The following CFH variants were observed in gnomAD, a reference collection of about 807,000 sequenced individuals.
CFH encodes complement factor H.
In CFH, 53 loss-of-function variants were observed where a neutral mutation model predicts 147.3. The ratio of observed to expected loss-of-function variants is 0.36; its 90% confidence interval spans 0.29 to 0.45. The LOEUF is 0.45. Ranked by LOEUF, CFH falls within the 20% of genes least tolerant of loss-of-function variation. The pLI is 1.00. For missense variants in CFH, 1,380 were observed against 1,498.0 expected (o/e 0.92, Z 1.30); for synonymous variants, 536 against 489.4 (o/e 1.10, Z -1.26).
intron 11 of CFH, among the ~76,000 whole-genome samples, chr1:196,717,898 T>C (rs1668910292): frequency 6.6e-6 from 1 of 151,874 alleles, no homozygotes; most frequent in South Asian, 2.1e-4. Context: ...TGACAGGAGA[T>C]GGGAAGGAAA....
rs148169568 is a variant in CFH at position 196,746,828 on chromosome 1, AATG to A, written c.3494-280_3494-278del. Among the ~76,000 whole-genome samples the A allele has an allele frequency of 8.2e-3, 1,246 of 152,354 alleles. 28 individuals are homozygous for A. Among genetic ancestry groups the A allele is most frequent in the African/African-American group, 0.029 (1,187 of 41,590 alleles). The stretch of plus-strand genomic sequence containing the variant: ...GACCAATATCTTAATCAAAAGCAGC[AATG>A]ATAAGTTCTAAAACGCAGGGATCCT... On this transcript the variant is annotated intron_variant, in intron 21 of 21. Transcript: ENST00000367429.
Position 196,740,751 on chromosome 1 carries a change from AAT to A in CFH, c.2916_2917del (p.Cys973LeufsTer21). The A allele has an allele frequency of 6.2e-7, 1 of 1,614,042 alleles. No individual in the cohort carries two copies. The highest frequency in any genetic ancestry group is 8.5e-7 in the Non-Finnish European group (1 of 1,179,976). On this transcript the variant is annotated frameshift_variant, in exon 18 of 22. Transcript: ENST00000367429. LOFTEE classifies it high-confidence loss of function. ...GGAATTGATGGGCCTGCAATTGCAA[AAT>A]GCTTAGGAGAAAAATGGTCTCACCC...
chr1:196,658,493 G>A (rs1209746827), intron 1 of CFH, among the ~76,000 whole-genome samples: 2 of 144,396 alleles, frequency 1.4e-5, no homozygotes, highest in Non-Finnish European at 3.0e-5. Flanking sequence ...CTCACTGCAA[G>A]CTCCGCCTCC....
At chr1:196,699,742 G>T (rs142411321) in intron 9 of CFH, among the ~76,000 whole-genome samples, 68 of 152,244 alleles carry the variant, frequency 4.5e-4, no homozygotes, top group African/African-American at 1.6e-3. Flanking sequence ...TTGTTTAAAA[G>T]ACTATGTTTT....
At chr1:196,667,434 T>C (rs901925942) in intron 1 of CFH, among the ~76,000 whole-genome samples, 1 of 152,212 alleles carries the variant, frequency 6.6e-6, no homozygotes, top group Non-Finnish European at 1.5e-5. Context: ...TTTATTAATA[T>C]GAAATGACTC....
Position 196,698,347 on chromosome 1 carries a change from G to A in CFH, c.1336+8108G>A, listed in dbSNP as rs182685237. Among the ~76,000 whole-genome samples the A allele has an allele frequency of 2.9e-3, 439 of 152,076 alleles. 2 individuals carry two copies. Among genetic ancestry groups the A allele is most frequent in the East Asian group, 0.021 (106 of 5,166 alleles). ...CTAGCCATACTAATAAAGAAGAAAG[G>A]ACAGAAGAATCAAATAGACACAATA... On this transcript the variant is annotated intron_variant, in intron 9 of 21. Coordinates refer to ENST00000367429, the MANE Select transcript of CFH (RefSeq NM_000186.4).
Position 196,726,767 on chromosome 1 carries a change from A to C in CFH, c.2063A>C (p.Glu688Ala). ...WTTLPVCIVE[E>A]STCGDIPELE... is the part of the protein sequence containing the mutation. Reference sequence around the variant, plus strand: ...TTTTGTAAAATTTACATAGTGGAGGAGAGTACCTGTGGAGATATACCTGAA... The same window carrying C: ...TTTTGTAAAATTTACATAGTGGAGGCGAGTACCTGTGGAGATATACCTGAA... The change falls in exon 14 of 22, where the codon GAG becomes GCG. Residue 688 changes from glutamate to alanine, a missense_variant. By Grantham distance (107) the Glu-to-Ala change is moderately radical. Around this residue, in one of 4 missense-constraint regions of CFH, gnomAD observed 830 missense variants for 821.4 expected, o/e 1.01. Transcript: ENST00000367429. The C allele has an allele frequency of 6.2e-7, 1 of 1,613,806 alleles. No homozygotes were observed. Among genetic ancestry groups the C allele is most frequent in the Non-Finnish European group, 8.5e-7 (1 of 1,179,802 alleles).
chr1:196,706,667 A>C (rs1254166976), intron 9 of CFH, among the ~76,000 whole-genome samples: 1 of 152,200 alleles, frequency 6.6e-6, no homozygotes, highest in African/African-American at 2.4e-5. Context: ...ACATGATACC[A>C]CACAGTATGG....
At chr1:196,696,661 G>A (rs1193959487) in intron 9 of CFH, among the ~76,000 whole-genome samples, 1 of 152,108 alleles carries the variant, frequency 6.6e-6, no homozygotes, top group Non-Finnish European at 1.5e-5. Context: ...CTACTTTAAA[G>A]TTTATATGGA....
At chr1:196,706,772 G>T (rs541466959) in intron 9 of CFH, among the ~76,000 whole-genome samples, 1 of 152,226 alleles carries the variant, frequency 6.6e-6, no homozygotes, top group African/African-American at 2.4e-5. Context: ...CCTACTTGGT[G>T]CCCAGAACAA....
chr1:196,704,536 C>A (rs1399892129), intron 9 of CFH, among the ~76,000 whole-genome samples: 1 of 152,192 alleles, frequency 6.6e-6, no homozygotes, highest in Non-Finnish European at 1.5e-5. Flanking sequence ...CTTGAAAGTG[C>A]CTGCACCCCT....
At chr1:196,673,369 C>T in intron 2 of CFH, 1 of 560,922 alleles carries the variant, frequency 1.8e-6, no homozygotes, top group Non-Finnish European at 3.1e-6. Context: ...ATGGAGTCTC[C>T]CTCTATCGCC....
chr1:196,672,256 C>A (rs1278002756), intron 1 of CFH, among the ~76,000 whole-genome samples: 3 of 152,138 alleles, frequency 2.0e-5, no homozygotes, highest in African/African-American at 7.2e-5. Context: ...ACAAACATAA[C>A]CAGGTAAAAA....
At chr1:196,746,883 T>C (rs1653027245) in intron 21 of CFH, among the ~76,000 whole-genome samples, 1 of 152,230 alleles carries the variant, frequency 6.6e-6, no homozygotes, top group Admixed American at 6.5e-5. Flanking sequence ...TAATGAATCA[T>C]TGATAATACA....
chr1:196,722,674 G>C (rs1026056104), intron 11 of CFH, among the ~76,000 whole-genome samples: 2 of 152,000 alleles, frequency 1.3e-5, no homozygotes, highest in Non-Finnish European at 1.5e-5. Context: ...CCTCAAAAAG[G>C]TTTTTTTAGC....
chr1:196,708,453 T>A (rs1668646991), intron 9 of CFH, among the ~76,000 whole-genome samples: 1 of 152,270 alleles, frequency 6.6e-6, no homozygotes. Context: ...CCATGGCCCA[T>A]GGCATACTGG....
At chr1:196,707,225 C>T (rs1668610886) in intron 9 of CFH, among the ~76,000 whole-genome samples, 1 of 152,096 alleles carries the variant, frequency 6.6e-6, no homozygotes, top group Non-Finnish European at 1.5e-5. Context: ...ACATTCTGTC[C>T]ATTGCCCTGC....
rs567326161 is a variant in CFH, at chr1:196,652,070, G to A, written c.-48G>A. 8 of 1,316,702 alleles carry A rather than the reference G, an allele frequency of 6.1e-6. No homozygotes were observed. The African/African-American group carries it at 8.7e-5, about 14-fold the overall frequency. The allele number at this position is 1,316,702 out of a possible 1,614,324, so 81.6% of individuals were successfully genotyped here. ...AATTCTTGGAAGAGGAGAACTGGAC[G>A]TTGTGAACAGAGTTAGCTGGTAAAT... On this transcript the variant is annotated 5_prime_UTR_variant, in exon 1 of 22. Coordinates refer to ENST00000367429, the MANE Select transcript of CFH (RefSeq NM_000186.4).
intron 1 of CFH, among the ~76,000 whole-genome samples, chr1:196,657,158 T>C (rs1039751179): frequency 2.0e-5 from 3 of 152,102 alleles, no homozygotes; most frequent in Non-Finnish European, 4.4e-5. Context: ...TCTTTTTCTT[T>C]CTCAAATGCC....
Sources: gnomAD v4.1 joint callset for allele counts (sites outside exome capture counted in the v4.1 genomes callset) on GRCh38, gnomAD v4.1.1 for gene constraint, gnomAD v4.1.1 regional missense constraint, MANE v1.5 for transcripts, NCBI Gene and HGNC (gene_info 2026-07-23, HGNC 2026-07-21) for gene names.